The following HOMER1 variants were observed in gnomAD, a reference collection of about 807,000 sequenced individuals.
HOMER1 encodes the protein homer scaffold protein 1.
A neutral mutation model predicts 48.9 loss-of-function variants in HOMER1; 3 were observed. The observed-to-expected ratio is 0.06, with a 90% CI of 0.03 to 0.16. HOMER1 has a LOEUF of 0.16. Ranked by LOEUF, HOMER1 falls within the 10% of genes least tolerant of loss-of-function variation. The pLI, the probability that HOMER1 is intolerant of heterozygous loss-of-function variation, is 1.00. For synonymous variants in HOMER1, 134 were observed against 146.4 expected (o/e 0.92, Z 0.61); for missense variants, 247 against 411.4 (o/e 0.60, Z 3.46).
chr5:79,414,549 T>G lies in HOMER1; in HGVS notation c.528-12494A>C, dbSNP rs115655628. On this transcript the variant is annotated intron_variant, in intron 5 of 8. Transcript: ENST00000334082. The stretch of plus-strand genomic sequence containing the variant: ...TACATACCACCACACTTGACTAATT[T>G]TAAATTTTTTGTAGCGAGGGGGTCT... Among the ~76,000 whole-genome samples the G allele has an allele frequency of 7.8e-3, 1,191 of 151,794 alleles. 11 individuals are homozygous for G. The highest frequency in any genetic ancestry group is 0.027 in the African/African-American group (1,138 of 41,390).
At chr5:79,429,563 T>A (rs757107840) in intron 5 of HOMER1, among the ~76,000 whole-genome samples, 18 of 152,126 alleles carry the variant, frequency 1.2e-4, no homozygotes, top group Non-Finnish European at 2.2e-4. Flanking sequence ...CTATCTCACA[T>A]CATATATAAA....
At chr5:79,399,757 T>C (rs1317786532) in intron 6 of HOMER1, among the ~76,000 whole-genome samples, 1 of 152,098 alleles carries the variant, frequency 6.6e-6, no homozygotes, top group East Asian at 1.9e-4. Flanking sequence ...GTCATTTTTC[T>C]GAAAAAACAG....
At chr5:79,493,411 G>A (rs183168762) in intron 1 of HOMER1, among the ~76,000 whole-genome samples, 149 of 152,228 alleles carry the variant, frequency 9.8e-4, no homozygotes, top group Non-Finnish European at 1.1e-3. Flanking sequence ...CTTAGCAGAT[G>A]GCCCTGCCTT....
chr5:79,473,307 A>G (rs2112328905), intron 1 of HOMER1, among the ~76,000 whole-genome samples: 1 of 152,360 alleles, frequency 6.6e-6, no homozygotes, highest in East Asian at 1.9e-4. Context: ...CTTAAACATT[A>G]TCAGACATTT....
chr5:79,467,846 A>G (rs1260134260), intron 1 of HOMER1, among the ~76,000 whole-genome samples: 8 of 152,096 alleles, frequency 5.3e-5, no homozygotes, highest in Non-Finnish European at 8.8e-5. Flanking sequence ...GTGCGATCAG[A>G]GCTCACTTCA....
rs1748688257 is a variant in HOMER1 at position 79,373,627 on chromosome 5, G to A, written c.*2382C>T. On this transcript the variant is annotated 3_prime_UTR_variant, in exon 9 of 9. Coordinates refer to ENST00000334082, the MANE Select transcript of HOMER1 (RefSeq NM_004272.5). The stretch of plus-strand genomic sequence containing the variant: ...CATACTCTCCTACTGTAAATGAATA[G>A]TTAAAAGTCTTAAGAAGATTTTATT... The A allele has an allele frequency of 6.6e-6, 1 of 151,838 alleles. No homozygotes were observed. Among genetic ancestry groups the A allele is most frequent in the South Asian group, 2.1e-4 (1 of 4,828 alleles). 9.4% of individuals were successfully genotyped at this position (151,838 alleles called of 1,614,324 possible).
intron 3 of HOMER1, among the ~76,000 whole-genome samples, chr5:79,449,923 TAGA>T (rs746233034): frequency 2.4e-4 from 37 of 152,186 alleles, no homozygotes; most frequent in South Asian, 4.1e-4. Flanking sequence ...TGTTTATAAT[TAGA>T]AGAAAATAAA....
intron 5 of HOMER1, among the ~76,000 whole-genome samples, chr5:79,411,685 C>G (rs1290873619): frequency 6.6e-6 from 1 of 152,202 alleles, no homozygotes; most frequent in African/African-American, 2.4e-5. Flanking sequence ...TCTAAGAAAG[C>G]TGCCTCTCTC....
chr5:79,401,346 CCTA>C (rs1442821444), intron 6 of HOMER1, among the ~76,000 whole-genome samples: 73 of 152,104 alleles, frequency 4.8e-4, no homozygotes, highest in African/African-American at 1.7e-3. Context: ...ACTTATTATT[CCTA>C]TTTTACAGAT....
chr5:79,456,977 A>G lies in HOMER1; in HGVS notation c.47T>C (p.Ile16Thr). The change falls in exon 2 of 9, where the codon ATT (isoleucine) becomes ACT (threonine). Residue 16 changes from isoleucine to threonine, a missense_variant. This residue lies in a region of HOMER1 where 38 missense variants were observed against 114.9 expected (regional missense o/e 0.33). Transcript: ENST00000334082. ...CCAGTTCTTCTTTGTGTTTGGGTCA[A>G]TTTGGAAGACATGAGCTCGAGTGCT... is the stretch of plus-strand genomic sequence containing the variant. Reference protein sequence around the residue: ...IFSTRAHVFQIDPNTKKNWVP... With the variant: ...IFSTRAHVFQTDPNTKKNWVP... The G allele has an allele frequency of 6.2e-7, 1 of 1,614,056 alleles. No individual in the cohort carries two copies. Among genetic ancestry groups the G allele is most frequent in the Non-Finnish European group, 8.5e-7 (1 of 1,179,960 alleles).
intron 5 of HOMER1, among the ~76,000 whole-genome samples, chr5:79,426,010 T>C (rs1323535235): frequency 6.6e-6 from 1 of 151,778 alleles, no homozygotes; most frequent in Non-Finnish European, 1.5e-5. Context: ...CTATGTCACA[T>C]TAAATGTCAT....
At chr5:79,412,628 A>G (rs1214675009) in intron 5 of HOMER1, among the ~76,000 whole-genome samples, 1 of 152,220 alleles carries the variant, frequency 6.6e-6, no homozygotes, top group Non-Finnish European at 1.5e-5. Context: ...GAAACTTGCA[A>G]CTGTTGAACC....
At chr5:79,426,185 TAGTAC>T (rs1055130836) in intron 5 of HOMER1, among the ~76,000 whole-genome samples, 5 of 152,104 alleles carry the variant, frequency 3.3e-5, no homozygotes, top group Non-Finnish European at 7.4e-5. Flanking sequence ...AAAGGTATAT[TAGTAC>T]AGCCACTATG....
chr5:79,406,148 G>A (rs1391279377), intron 5 of HOMER1, among the ~76,000 whole-genome samples: 4 of 152,032 alleles, frequency 2.6e-5, no homozygotes, highest in Admixed American at 1.3e-4. Context: ...ATTTTAAAAC[G>A]CTTGACTGTT....
At chr5:79,435,849 G>A (rs939601871) in intron 5 of HOMER1, among the ~76,000 whole-genome samples, 13 of 142,020 alleles carry the variant, frequency 9.2e-5, no homozygotes, top group African/African-American at 2.6e-4. Flanking sequence ...TAAATAGGCC[G>A]GGCGCGGTGG....
chr5:79,474,610 C>T (rs1751711064), intron 1 of HOMER1, among the ~76,000 whole-genome samples: 1 of 152,158 alleles, frequency 6.6e-6, no homozygotes, highest in Non-Finnish European at 1.5e-5. Flanking sequence ...ACACTCCTCA[C>T]TCATTTGCCA....
chr5:79,413,692 G>A lies in HOMER1; in HGVS notation c.528-11637C>T, dbSNP rs184859255. Among the ~76,000 whole-genome samples, 180 of 130,620 alleles carry A rather than the reference G, an allele frequency of 1.4e-3. 1 individual carries two copies. The highest frequency in any genetic ancestry group is 3.7e-3 in the Middle Eastern group (1 of 268). The allele number at this position is 130,620 out of a possible 152,430, so 85.7% of individuals were successfully genotyped here. A position where few individuals can be genotyped will look rare whatever the true frequency, so the allele number is the denominator to read the frequency against. On this transcript the variant is annotated intron_variant, in intron 5 of 8. Transcript: ENST00000334082. ...GTGCAATGAATGAATAAATTTTAACGTAAAAAAAAAAAAAACTACTTGTGT... is the reference window on the plus strand; with the variant it reads ...GTGCAATGAATGAATAAATTTTAACATAAAAAAAAAAAAAACTACTTGTGT...
intron 1 of HOMER1, among the ~76,000 whole-genome samples, chr5:79,485,184 G>A (rs1752064272): frequency 6.6e-6 from 1 of 152,180 alleles, no homozygotes; most frequent in Non-Finnish European, 1.5e-5. Flanking sequence ...GCTATTCCCT[G>A]AGAGTACTAA....
chr5:79,382,572 G>A (rs1580412681), intron 8 of HOMER1, among the ~76,000 whole-genome samples: 1 of 152,242 alleles, frequency 6.6e-6, no homozygotes. Context: ...ATTATCCTTT[G>A]TAAATGAAGG....
Sources: gnomAD v4.1 joint callset for allele counts (sites outside exome capture counted in the v4.1 genomes callset) on GRCh38, gnomAD v4.1.1 for gene constraint, gnomAD v4.1.1 regional missense constraint, MANE v1.5 for transcripts, NCBI Gene and HGNC (gene_info 2026-07-23, HGNC 2026-07-21) for gene names.